CYP2C18: variants seen among roughly 807,000 people sequenced by gnomAD.
CYP2C18 encodes cytochrome P450 2C18.
CYP2C18 carries 38 observed loss-of-function variants against 41.3 expected under a neutral mutation model. The observed-to-expected ratio is 0.92, with a 90% CI of 0.71 to 1.21. The LOEUF is 1.21. Ranked by LOEUF, CYP2C18 falls within the 50% of genes most tolerant of loss-of-function variation. CYP2C18 has a pLI of 0.00. For missense variants in CYP2C18, 635 were observed against 591.4 expected (o/e 1.07, Z -0.77); for synonymous variants, 236 against 210.0 (o/e 1.12, Z -1.07).
chr10:94,688,543 T>A (rs1405529627), intron 3 of CYP2C18, among the ~76,000 whole-genome samples: 1 of 152,154 alleles, frequency 6.6e-6, no homozygotes, highest in African/African-American at 2.4e-5. Flanking sequence ...TCTAATGACA[T>A]CCCTGGAAAC....
rs542103551 is a variant in CYP2C18 at position 94,688,117 on chromosome 10, T to C, written c.332-8T>C. The stretch of plus-strand genomic sequence containing the variant: ...CTCCCTCGTAGCTTCTGTTTTCTGT[T>C]CTGCTAGGAATCCTTTTCAGCAATG... On this transcript the variant is annotated splice_region_variant and splice_polypyrimidine_tract_variant and intron_variant, in intron 2 of 8. Coordinates refer to ENST00000285979, the MANE Select transcript of CYP2C18 (RefSeq NM_000772.3). 3.1e-6 allele frequency: 5 copies of C among 1,613,356 alleles called. No individual in the cohort carries two copies. In the Admixed American group the frequency reaches 5.0e-5, roughly 16 times the overall value.
At chr10:94,716,893 A>C (rs372829734) in intron 5 of CYP2C18, among the ~76,000 whole-genome samples, 17 of 152,184 alleles carry the variant, frequency 1.1e-4, no homozygotes, top group South Asian at 2.1e-4. Flanking sequence ...TATTTAGGAT[A>C]GTTAGCTCTT....
intron 3 of CYP2C18, among the ~76,000 whole-genome samples, chr10:94,694,119 C>G (rs1847068654): frequency 6.6e-6 from 1 of 152,078 alleles, no homozygotes; most frequent in South Asian, 2.1e-4. Flanking sequence ...TATAAGAGGT[C>G]AGGCTTTGTT....
intron 8 of CYP2C18, 184 bp downstream of exon 8, chr10:94,733,622 G>A: frequency 1.0e-6 from 1 of 984,388 alleles, no homozygotes; most frequent in Non-Finnish European, 1.2e-6. Context: ...AGGTTAGTGG[G>A]GCTTTGGGGA....
At chr10:94,689,986 C>G (rs1846966180) in intron 3 of CYP2C18, among the ~76,000 whole-genome samples, 1 of 152,166 alleles carries the variant, frequency 6.6e-6, no homozygotes, top group South Asian at 2.1e-4. Context: ...AATGAAGGCT[C>G]AGCCCCATGG....
At chr10:94,692,582 A>G (rs923055758) in intron 3 of CYP2C18, among the ~76,000 whole-genome samples, 2 of 152,188 alleles carry the variant, frequency 1.3e-5, no homozygotes, top group Admixed American at 6.5e-5. Flanking sequence ...GGGACTGTAA[A>G]CTAGTTTAAC....
chr10:94,684,403 C>G (rs1219622420), intron 1 of CYP2C18, among the ~76,000 whole-genome samples: 1 of 152,134 alleles, frequency 6.6e-6, no homozygotes, highest in East Asian at 1.9e-4. Flanking sequence ...CTCTACTTCT[C>G]TGAGTTTAAC....
At chr10:94,700,788 C>A (rs947783105) in intron 4 of CYP2C18, among the ~76,000 whole-genome samples, 2 of 151,926 alleles carry the variant, frequency 1.3e-5, no homozygotes. Context: ...AAAAAAAGAA[C>A]CCCATCAAAA....
At chr10:94,707,094 C>A in intron 5 of CYP2C18, 134 bp downstream of exon 5, 2 of 557,202 alleles carry the variant, frequency 3.6e-6, no homozygotes, top group Admixed American at 3.9e-5. Context: ...GATGAAGCAC[C>A]ATGGAGAATT....
chr10:94,721,612 A>G (rs1486452343), intron 6 of CYP2C18, among the ~76,000 whole-genome samples: 1 of 151,354 alleles, frequency 6.6e-6, no homozygotes, highest in Non-Finnish European at 1.5e-5. Context: ...CCTCCCTCCC[A>G]CCTTTCCACC....
intron 7 of CYP2C18, among the ~76,000 whole-genome samples, chr10:94,732,467 C>T (rs1317488265): frequency 2.6e-5 from 4 of 152,032 alleles, no homozygotes; most frequent in African/African-American, 9.7e-5. Context: ...AATCCCATTA[C>T]TGGATATATT....
intron 5 of CYP2C18, among the ~76,000 whole-genome samples, chr10:94,711,181 C>G (rs1411981033): frequency 1.3e-5 from 2 of 152,158 alleles, no homozygotes; most frequent in Non-Finnish European, 2.9e-5. Flanking sequence ...TCCAAACTCT[C>G]TGTCTTCATG....
chr10:94,693,770 C>A lies in CYP2C18; in HGVS notation c.482-1147C>A, dbSNP rs551891790. On this transcript the variant is annotated intron_variant, in intron 3 of 8. Coordinates refer to ENST00000285979, the MANE Select transcript of CYP2C18 (RefSeq NM_000772.3). ...TATTTAATTCCCCATCATTACCGCACAACATTTTTGTTCAAGTCACTCTTA... is the reference window on the plus strand; with the variant it reads ...TATTTAATTCCCCATCATTACCGCAAAACATTTTTGTTCAAGTCACTCTTA... Among the ~76,000 whole-genome samples the A allele has an allele frequency of 3.3e-3, 505 of 152,292 alleles. 1 individual carries two copies. Among genetic ancestry groups the A allele is most frequent in the Non-Finnish European group, 5.9e-3 (403 of 68,024 alleles).
chr10:94,732,833 A>G (rs1189572718), intron 7 of CYP2C18, among the ~76,000 whole-genome samples: 1 of 152,032 alleles, frequency 6.6e-6, no homozygotes, highest in East Asian at 1.9e-4. Context: ...AGGGTTGAAA[A>G]ACTACCTGTT....
chr10:94,717,886 G>T (rs1032201216), intron 5 of CYP2C18, among the ~76,000 whole-genome samples: 1 of 152,152 alleles, frequency 6.6e-6, no homozygotes, highest in South Asian at 2.1e-4. Context: ...CAGGTAATGT[G>T]ATGCCTCCAG....
rs548167255 is a variant in CYP2C18 at position 94,702,528 on chromosome 10, C to T, written c.643-4256C>T. Among the ~76,000 whole-genome samples, 4 of 151,852 alleles carry T rather than the reference C, an allele frequency of 2.6e-5. No homozygotes were observed. The East Asian group carries it at 5.8e-4, about 22-fold the overall frequency. ...CCTTTCTTCTGCTTGATCAATTTGG[C>T]TATTGATAGTTGTGTATGCTTCATG... is the stretch of plus-strand genomic sequence containing the variant. On this transcript the variant is annotated intron_variant, in intron 4 of 8. Transcript: ENST00000285979.
chr10:94,694,483 C>G (rs2134180025), intron 3 of CYP2C18, among the ~76,000 whole-genome samples: 1 of 152,254 alleles, frequency 6.6e-6, no homozygotes, highest in South Asian at 2.1e-4. Context: ...TTTAACTACT[C>G]GTTATATAGA....
Position 94,687,837 on chromosome 10 carries a change from G to A in CYP2C18, c.236G>A (p.Gly79Glu). 1 of 1,613,836 alleles carries A rather than the reference G, an allele frequency of 6.2e-7. No homozygotes were observed. The highest frequency in any genetic ancestry group is 8.5e-7 in the Non-Finnish European group (1 of 1,179,780). ...CTGAAGCCCATTGTGGTGTTGCATG[G>A]ATATGAAGCAGTGAAGGAGGCCCTG... The part of the protein sequence containing the change: ...FGLKPIVVLH[G>E]YEAVKEALID... The change falls in exon 2 of 9, where the codon GGA (glycine) becomes GAA (glutamate). Residue 79 changes from glycine (G) to glutamate (E), a missense_variant. Physicochemically the swap from Gly to Glu is moderately conservative, Grantham distance 98 (BLOSUM62 -2). Transcript: ENST00000285979.
chr10:94,695,741 AG>A (rs1847104568), intron 4 of CYP2C18, among the ~76,000 whole-genome samples: 1 of 152,140 alleles, frequency 6.6e-6, no homozygotes, highest in Non-Finnish European at 1.5e-5. Flanking sequence ...AGTCAAAGAA[AG>A]GGGTGACAGA....
Sources: allele counts gnomAD v4.1 joint callset (sites outside exome capture counted in the v4.1 genomes callset), GRCh38; gene constraint gnomAD v4.1.1; transcripts MANE v1.5; gene names NCBI Gene and HGNC (gene_info 2026-07-23, HGNC 2026-07-21).